TBC1D5: variants seen among roughly 807,000 people sequenced by gnomAD.
The protein encoded by TBC1D5 is TBC1 domain family, member 5.
Under a neutral mutation model 100.3 loss-of-function variants are expected in TBC1D5, and 75 were observed. That is an observed-to-expected ratio of 0.75 (90% CI 0.62 to 0.91). The LOEUF is 0.91. Among genes scored for constraint, TBC1D5 ranks in the 40% least tolerant of loss-of-function variants. The probability of loss-of-function intolerance (pLI) is 0.00; values close to 1 mark genes in which losing one functional copy is unlikely to be tolerated. For synonymous variants in TBC1D5, 323 were observed against 325.6 expected, an observed-to-expected ratio of 0.99 and a Z score of 0.09; for missense variants, 910 against 942.4, an observed-to-expected ratio of 0.97 and a Z score of 0.45.
intron 14 of TBC1D5, among the ~76,000 whole-genome samples, chr3:17,306,596 GA>G (rs1282077845): frequency 6.6e-6 from 1 of 152,094 alleles, no homozygotes; most frequent in African/African-American, 2.4e-5. Flanking sequence ...CTTAGAATAG[GA>G]GACAGGATGA....
At chr3:17,445,101 C>G (rs1053325903) in intron 3 of TBC1D5, among the ~76,000 whole-genome samples, 8 of 152,148 alleles carry the variant, frequency 5.3e-5, no homozygotes, top group Admixed American at 3.9e-4. Context: ...GGACATATGG[C>G]AACCCAGCTA....
chr3:17,689,934 G>A (rs2070883825), intron 1 of TBC1D5, among the ~76,000 whole-genome samples: 2 of 152,028 alleles, frequency 1.3e-5, no homozygotes, highest in Admixed American at 6.6e-5. Context: ...AGCCCAAAAC[G>A]TCAACAGTGC....
chr3:17,219,747 G>A (rs2074066046), intron 17 of TBC1D5, among the ~76,000 whole-genome samples: 1 of 152,044 alleles, frequency 6.6e-6, no homozygotes, highest in Admixed American at 6.6e-5. Context: ...GCTCGAAAGA[G>A]GGTGACAGGA....
intron 3 of TBC1D5, among the ~76,000 whole-genome samples, chr3:17,488,906 A>G (rs2095603418): frequency 6.7e-6 from 1 of 150,196 alleles, no homozygotes; most frequent in African/African-American, 2.5e-5. Context: ...CACAAACTCT[A>G]TCGTGAACTG....
At chr3:17,279,035 TCTTA>T (rs914459979) in intron 15 of TBC1D5, among the ~76,000 whole-genome samples, 1 of 152,236 alleles carries the variant, frequency 6.6e-6, no homozygotes, top group Non-Finnish European at 1.5e-5. Context: ...TTGAAAAAGC[TCTTA>T]CTTTCATTAT....
intron 2 of TBC1D5, among the ~76,000 whole-genome samples, chr3:17,526,980 A>T (rs572352600): frequency 4.6e-5 from 7 of 152,328 alleles, no homozygotes; most frequent in African/African-American, 1.7e-4. Context: ...TATAATATAC[A>T]TTCAACTTAG....
At chr3:17,450,614 C>G (rs986937898) in intron 3 of TBC1D5, among the ~76,000 whole-genome samples, 20 of 151,984 alleles carry the variant, frequency 1.3e-4, no homozygotes, top group African/African-American at 4.8e-4. Context: ...CAGAATCGAT[C>G]AAGTGGAAGA....
chr3:17,383,500 T>C (rs1445147350), intron 9 of TBC1D5, among the ~76,000 whole-genome samples: 1 of 152,076 alleles, frequency 6.6e-6, no homozygotes, highest in Non-Finnish European at 1.5e-5. Context: ...TTTCTGAAGT[T>C]CTATTACTGA....
chr3:17,166,617 G>C, intron 21 of TBC1D5, 150 bp downstream of exon 22: 1 of 1,050,132 alleles, frequency 9.5e-7, no homozygotes. Flanking sequence ...AGAGTGCACA[G>C]CCTGCACAGC....
At chr3:17,191,757 C>G (rs531637501) in intron 18 of TBC1D5, among the ~76,000 whole-genome samples, 118 of 151,904 alleles carry the variant, frequency 7.8e-4, no homozygotes, top group African/African-American at 2.6e-3. Context: ...GCTGGGATTA[C>G]AGGCACCTGC....
At chr3:17,694,335 G>A (rs904343160) in intron 1 of TBC1D5, among the ~76,000 whole-genome samples, 1 of 152,200 alleles carries the variant, frequency 6.6e-6, no homozygotes, top group Non-Finnish European at 1.5e-5. Flanking sequence ...TCGCAAGGAA[G>A]CTAAAAACCT....
chr3:17,393,847 G>C (rs567109188), intron 8 of TBC1D5, among the ~76,000 whole-genome samples: 1 of 152,028 alleles, frequency 6.6e-6, no homozygotes, highest in South Asian at 2.1e-4. Flanking sequence ...AGACTTAAAC[G>C]TAAGACCTAA....
chr3:17,697,579 C>T (rs1253633073), intron 1 of TBC1D5, among the ~76,000 whole-genome samples: 4 of 152,180 alleles, frequency 2.6e-5, no homozygotes, highest in Non-Finnish European at 4.4e-5. Context: ...AGGAGAACTA[C>T]AAACCACTGC....
chr3:17,385,548 G>A (rs190387651), intron 8 of TBC1D5, among the ~76,000 whole-genome samples: 1 of 152,186 alleles, frequency 6.6e-6, no homozygotes, highest in African/African-American at 2.4e-5. Flanking sequence ...TAGGTTTTTG[G>A]TGAATTGTGC....
intron 13 of TBC1D5, among the ~76,000 whole-genome samples, chr3:17,315,343 G>A (rs188740538): frequency 6.6e-6 from 1 of 152,206 alleles, no homozygotes; most frequent in Non-Finnish European, 1.5e-5. Flanking sequence ...ATACAAATGT[G>A]AGGGTGACAG....
chr3:17,165,427 G>A (rs2066499687), intron 21 of TBC1D5, among the ~76,000 whole-genome samples: 1 of 152,148 alleles, frequency 6.6e-6, no homozygotes, highest in South Asian at 2.1e-4. Context: ...ATAAATGATT[G>A]AAAAATAAAA....
chr3:17,697,137 C>T (rs1169425181), intron 1 of TBC1D5, among the ~76,000 whole-genome samples: 1 of 152,210 alleles, frequency 6.6e-6, no homozygotes. Context: ...GACAAACCCA[C>T]AGCCAATATC....
rs536815346 is a variant in TBC1D5, at chr3:17,669,782, A to G, written c.-100-45869T>C. Among the ~76,000 whole-genome samples, 11 of 152,354 alleles carry G rather than the reference A, an allele frequency of 7.2e-5. No homozygotes were observed. In the East Asian group the frequency reaches 1.7e-3, roughly 24 times the overall value. On this transcript the variant is annotated intron_variant, in intron 1 of 21. Transcript: ENST00000253692. ...CTTTAATAAATGTTTGATGAGGAGAAGCAAGTCAGTGAGTAAAAATGCAAC... is the reference window on the plus strand; with the variant it reads ...CTTTAATAAATGTTTGATGAGGAGAGGCAAGTCAGTGAGTAAAAATGCAAC...
At position 17,215,214 on chromosome 3, in the gene TBC1D5, G is replaced by C. The variant is rs573382563; in HGVS notation, c.1589-844C>G. On this transcript the variant is annotated intron_variant, in intron 17 of 21. Transcript: ENST00000253692. Reference sequence around the variant, plus strand: ...AGAACAGAATCAGAGATGGTCAAGTGGGGGTGAGTCAGGGGGAACAAAGGC... The same window carrying C: ...AGAACAGAATCAGAGATGGTCAAGTCGGGGTGAGTCAGGGGGAACAAAGGC... 2.0e-5 allele frequency among the ~76,000 whole-genome samples: 3 copies of C among 152,222 alleles called. No homozygotes were observed. The East Asian group carries it at 5.8e-4, about 29-fold the overall frequency.
Sources: gnomAD v4.1 joint callset for allele counts (sites outside exome capture counted in the v4.1 genomes callset) on GRCh38, gnomAD v4.1.1 for gene constraint, MANE v1.5 for transcripts, NCBI Gene and HGNC (gene_info 2026-07-23, HGNC 2026-07-21) for gene names.